RPTOR: variants seen among roughly 807,000 people sequenced by gnomAD.
RPTOR encodes regulatory associated protein of MTOR complex 1.
Under a neutral mutation model 169.9 loss-of-function variants are expected in RPTOR, and 21 were observed. The ratio of observed to expected loss-of-function variants is 0.12; its 90% confidence interval spans 0.09 to 0.18. The LOEUF (loss-of-function observed/expected upper bound fraction) is 0.18, where lower values mean the gene tolerates loss of function less well. RPTOR is among the 10% of genes least tolerant of loss of function. The probability of loss-of-function intolerance (pLI) is 1.00; values close to 1 mark genes in which losing one functional copy is unlikely to be tolerated. For synonymous variants in RPTOR, 732 were observed against 753.2 expected (o/e 0.97, Z 0.46); for missense variants, 1,133 against 1,855.9 (o/e 0.61, Z 7.16).
chr17:80,918,633 G>A (rs1262836747), intron 21 of RPTOR, among the ~76,000 whole-genome samples: 2 of 152,158 alleles, frequency 1.3e-5, no homozygotes, highest in African/African-American at 4.8e-5. Context: ...TTTGCCCTGA[G>A]CCCCATTCTA....
chr17:80,643,864 C>G, intron 3 of RPTOR, 54 bp downstream of exon 3: 1 of 1,378,298 alleles, frequency 7.3e-7, no homozygotes, highest in Non-Finnish European at 1.0e-6. Flanking sequence ...AACTCCAGTT[C>G]CTTGGTTTCC....
chr17:80,896,904 C>T (rs1170261852), intron 20 of RPTOR, among the ~76,000 whole-genome samples: 2 of 152,188 alleles, frequency 1.3e-5, no homozygotes, highest in Non-Finnish European at 2.9e-5. Flanking sequence ...CATGACGTTA[C>T]CTTTCAGTTT....
At chr17:80,706,398 G>A (rs894850863) in intron 3 of RPTOR, among the ~76,000 whole-genome samples, 5 of 151,992 alleles carry the variant, frequency 3.3e-5, no homozygotes, top group South Asian at 2.1e-4. Context: ...ACCTGTGCCC[G>A]TTTTCCAGCA....
chr17:80,644,694 T>C (rs184568451), intron 3 of RPTOR, among the ~76,000 whole-genome samples: 50 of 152,346 alleles, frequency 3.3e-4, no homozygotes, highest in Admixed American at 3.3e-3. Context: ...GAATTTTGAT[T>C]TGTGGATCAT....
chr17:80,710,567 TTGTATG>T lies in RPTOR; in HGVS notation c.507+2572_507+2577del, dbSNP rs1443179156. On this transcript the variant is annotated intron_variant, in intron 4 of 33. Transcript: ENST00000306801. The stretch of plus-strand genomic sequence containing the variant: ...ATGTTGATTTGCCTCCCTTGGTTAT[TTGTATG>T]TGTGTGTGTGTGTGTGTGTGTGTGT... Among the ~76,000 whole-genome samples, 293 of 110,654 alleles carry T rather than the reference TTGTATG, an allele frequency of 2.6e-3. 3 individuals carry two copies. The highest frequency in any genetic ancestry group is 7.9e-3 in the African/African-American group (252 of 31,838). The allele number at this position is 110,654 out of a possible 152,430, so 72.6% of individuals were successfully genotyped here. A position where few individuals can be genotyped will look rare whatever the true frequency, so the allele number is the denominator to read the frequency against.
At chr17:80,615,303 C>T (rs189072875) in intron 1 of RPTOR, among the ~76,000 whole-genome samples, 1 of 152,116 alleles carries the variant, frequency 6.6e-6, no homozygotes, top group Non-Finnish European at 1.5e-5. Flanking sequence ...TGCTCACCTC[C>T]CTGTGGAACG....
chr17:80,867,780 A>G (rs943663263), intron 13 of RPTOR, among the ~76,000 whole-genome samples: 1 of 152,240 alleles, frequency 6.6e-6, no homozygotes, highest in East Asian at 1.9e-4. Context: ...ACTAAAAAAA[A>G]AGAAATACTT....
chr17:80,836,196 C>T (rs549402414), intron 9 of RPTOR, among the ~76,000 whole-genome samples: 2 of 152,336 alleles, frequency 1.3e-5, no homozygotes, highest in East Asian at 1.9e-4. Flanking sequence ...CTCCCTGGGC[C>T]GGAGCTAGTG....
rs536249501 is a variant in RPTOR at position 80,633,515 on chromosome 17, G to A, written c.265+7722G>A. Among the ~76,000 whole-genome samples, 27 of 152,330 alleles carry A rather than the reference G, an allele frequency of 1.8e-4. No homozygotes were observed. Among genetic ancestry groups the A allele is most frequent in the African/African-American group, 9.6e-5 (4 of 41,568 alleles). On this transcript the variant is annotated intron_variant, in intron 2 of 33. Transcript: ENST00000306801. The surrounding 1 kb of genome is among the most constrained non-coding windows in gnomAD (Gnocchi z 4.1). ...GTCTCCGGTGTCTCCTAATGATTCC[G>A]TTTAGGTCATGCTTCGCTGGCAGGA...
chr17:80,847,805 G>A (rs1047081790), intron 11 of RPTOR, among the ~76,000 whole-genome samples: 2 of 152,198 alleles, frequency 1.3e-5, no homozygotes, highest in East Asian at 1.9e-4. Flanking sequence ...TCCAGAGCTC[G>A]TGCTTTCTGG....
chr17:80,855,272 A>T (rs2067839901), intron 11 of RPTOR, among the ~76,000 whole-genome samples, 192 bp from the exon 12 acceptor site: 1 of 152,256 alleles, frequency 6.6e-6, no homozygotes, highest in South Asian at 2.1e-4. Flanking sequence ...ATAAAGGCAT[A>T]AAGCGTGTTT....
At chr17:80,691,368 G>A (rs936906971) in intron 3 of RPTOR, among the ~76,000 whole-genome samples, 1 of 138,904 alleles carries the variant, frequency 7.2e-6, no homozygotes, top group Non-Finnish European at 1.5e-5. Context: ...CCCTGTTGAA[G>A]GCACTACCTA....
intron 1 of RPTOR, among the ~76,000 whole-genome samples, chr17:80,558,842 G>A (rs776209402): frequency 9.9e-5 from 15 of 152,190 alleles, no homozygotes; most frequent in Admixed American, 6.5e-4. Flanking sequence ...AGGATCACAC[G>A]TTGCATTTGG....
intron 31 of RPTOR, 111 bp downstream of exon 31, chr17:80,961,591 C>A: frequency 8.4e-7 from 1 of 1,186,572 alleles, no homozygotes; most frequent in African/African-American, 1.5e-5. Context: ...GCATTTCGGG[C>A]AGTAATTAAC....
At chr17:80,938,716 G>A (rs1275975419) in intron 24 of RPTOR, among the ~76,000 whole-genome samples, 2 of 152,096 alleles carry the variant, frequency 1.3e-5, no homozygotes, top group Non-Finnish European at 2.9e-5. Context: ...GTGGTTTTGT[G>A]ACTTTTAAGA....
intron 6 of RPTOR, among the ~76,000 whole-genome samples, chr17:80,777,268 G>A (rs1283461278): frequency 1.3e-5 from 2 of 151,888 alleles, no homozygotes; most frequent in African/African-American, 2.4e-5. Context: ...AAGTGAAGGG[G>A]GAGCGGAGGC....
intron 7 of RPTOR, among the ~76,000 whole-genome samples, chr17:80,810,093 A>AAAAC (rs1322489841): frequency 6.8e-6 from 1 of 147,012 alleles, no homozygotes; most frequent in Non-Finnish European, 1.5e-5. Flanking sequence ...ATAAATAAAT[A>AAAAC]AAACAGTCTT....
At chr17:80,940,278 C>A in intron 24 of RPTOR, 1 of 500,932 alleles carries the variant, frequency 2.0e-6, no homozygotes, top group Non-Finnish European at 3.5e-6. Context: ...ATTTACACAG[C>A]GTTGACACTG....
chr17:80,897,675 G>T (rs1364359028), intron 20 of RPTOR, among the ~76,000 whole-genome samples: 2 of 152,232 alleles, frequency 1.3e-5, no homozygotes, highest in African/African-American at 4.8e-5. Flanking sequence ...AGTGGGTTGG[G>T]CTGTGACTTT....
Sources: gnomAD v4.1 joint callset for allele counts (sites outside exome capture counted in the v4.1 genomes callset) on GRCh38, gnomAD v4.1.1 for gene constraint, Gnocchi (gnomAD v3.1) non-coding constraint, MANE v1.5 for transcripts, NCBI Gene and HGNC (gene_info 2026-07-23, HGNC 2026-07-21) for gene names.